CDC123: variants seen among roughly 807,000 people sequenced by gnomAD.
The protein encoded by CDC123 is translation initiation factor eIF2 assembly protein.
In CDC123, 37 loss-of-function variants were observed where a neutral mutation model predicts 54.4. That is an observed-to-expected ratio of 0.68 (90% CI 0.52 to 0.89). The LOEUF (loss-of-function observed/expected upper bound fraction) is 0.89, where lower values mean the gene tolerates loss of function less well. CDC123 is among the 40% of genes least tolerant of loss of function. CDC123 has a pLI of 0.00. For missense variants in CDC123, 361 were observed against 412.1 expected (o/e 0.88, Z 1.07); for synonymous variants, 144 against 136.8 (o/e 1.05, Z -0.37).
At chr10:12,225,942 G>A (rs973076894) in intron 6 of CDC123, among the ~76,000 whole-genome samples, 1 of 151,776 alleles carries the variant, frequency 6.6e-6, no homozygotes, top group Non-Finnish European at 1.5e-5. Flanking sequence ...GGGTACTTGA[G>A]ATTAGGGAGT....
chr10:12,214,146 T>C (rs151201408), intron 4 of CDC123, among the ~76,000 whole-genome samples: 1 of 152,364 alleles, frequency 6.6e-6, no homozygotes, highest in African/African-American at 2.4e-5. Flanking sequence ...TGATCACATC[T>C]TTTAAAAGGC....
chr10:12,246,499 G>A, intron 11 of CDC123: 1 of 434,380 alleles, frequency 2.3e-6, no homozygotes, highest in Non-Finnish European at 4.1e-6. Flanking sequence ...AGTTTTTTTA[G>A]TTCTTTTTCT....
At chr10:12,209,044 T>C (rs1835560208) in intron 2 of CDC123, among the ~76,000 whole-genome samples, 1 of 152,202 alleles carries the variant, frequency 6.6e-6, no homozygotes, top group African/African-American at 2.4e-5. Flanking sequence ...GCTTCTGGTG[T>C]CTTCCTTTAT....
At chr10:12,196,351 G>C in intron 1 of CDC123, 32 bp downstream of exon 1, 1 of 1,613,630 alleles carries the variant, frequency 6.2e-7, no homozygotes, top group South Asian at 1.1e-5. Flanking sequence ...CCGGTCGACC[G>C]GCAAAAGGGA....
intron 6 of CDC123, among the ~76,000 whole-genome samples, chr10:12,224,907 C>T (rs1015061093): frequency 4.6e-5 from 7 of 152,188 alleles, no homozygotes; most frequent in Admixed American, 1.3e-4. Context: ...GCTGAAGCTG[C>T]GGCCCTGAAG....
intron 6 of CDC123, among the ~76,000 whole-genome samples, chr10:12,227,019 C>T (rs1383827563): frequency 1.3e-5 from 2 of 152,210 alleles, no homozygotes; most frequent in Non-Finnish European, 2.9e-5. Context: ...TTTGGGAGGC[C>T]GAGGCTAGCA....
intron 1 of CDC123, among the ~76,000 whole-genome samples, chr10:12,197,944 C>T (rs139392417): frequency 9.9e-5 from 15 of 152,074 alleles, no homozygotes; most frequent in Non-Finnish European, 7.4e-5. Flanking sequence ...CTGTTAACTT[C>T]GGGAAAGCAG....
rs376578679 is a variant in CDC123 at position 12,246,104 on chromosome 10, G to A, written c.718-45G>A. On this transcript the variant is annotated intron_variant, in intron 10 of 12. Transcript: ENST00000281141. ...AAGTGTTTCTTTCTCAGAAGACAGAGTACAGAAGATGTTTGTTTTTGTTTT... is the reference window on the plus strand; with the variant it reads ...AAGTGTTTCTTTCTCAGAAGACAGAATACAGAAGATGTTTGTTTTTGTTTT... 1.9e-6 allele frequency: 3 copies of A among 1,598,748 alleles called. No individual in the cohort carries two copies. In the African/African-American group the frequency reaches 4.0e-5, roughly 22 times the overall value.
intron 5 of CDC123, 28 bp from the exon 6 acceptor site, chr10:12,217,333 A>G: frequency 3.1e-6 from 5 of 1,601,752 alleles, no homozygotes; most frequent in Non-Finnish European, 4.3e-6. Context: ...TGGAATATGG[A>G]CTAAATAGCA....
chr10:12,211,272 C>A (rs1377571408), intron 4 of CDC123, among the ~76,000 whole-genome samples: 4 of 152,052 alleles, frequency 2.6e-5, no homozygotes, highest in South Asian at 2.1e-4. Flanking sequence ...TAGTGAAACT[C>A]CTTACAAGTA....
intron 6 of CDC123, among the ~76,000 whole-genome samples, chr10:12,227,776 G>A (rs1344017342): frequency 1.3e-5 from 2 of 151,974 alleles, no homozygotes; most frequent in Non-Finnish European, 2.9e-5. Flanking sequence ...GATTACAGGC[G>A]TGAGTCACCG....
intron 10 of CDC123, among the ~76,000 whole-genome samples, chr10:12,239,080 G>C (rs569654126): frequency 6.6e-6 from 1 of 151,980 alleles, no homozygotes; most frequent in Non-Finnish European, 1.5e-5. Context: ...ACTTGAGCCC[G>C]GGAATGCAAG....
intron 9 of CDC123, among the ~76,000 whole-genome samples, chr10:12,237,957 C>T (rs1397937126): frequency 6.6e-6 from 1 of 152,170 alleles, no homozygotes; most frequent in Non-Finnish European, 1.5e-5. Context: ...AGTTTTCATA[C>T]ATCTGAAAAT....
chr10:12,202,702 G>A (rs1431851343), intron 2 of CDC123, among the ~76,000 whole-genome samples: 3 of 152,184 alleles, frequency 2.0e-5, no homozygotes, highest in African/African-American at 4.8e-5. Flanking sequence ...CATTTACTTC[G>A]GTTTACCGGT....
chr10:12,247,664 G>C (rs1170456501), intron 11 of CDC123: 1 of 152,192 alleles, frequency 6.6e-6, no homozygotes, highest in Non-Finnish European at 1.5e-5. Flanking sequence ...GTTCAACCCG[G>C]TTTCTTCACC....
At chr10:12,250,245 C>T (rs1836222109) in intron 12 of CDC123, 66 bp from the exon 13 acceptor site, 1 of 971,780 alleles carries the variant, frequency 1.0e-6, no homozygotes, top group Non-Finnish European at 1.5e-6. Flanking sequence ...TAGAAAATTA[C>T]ACCTGCTGAG....
At chr10:12,248,786 C>G (rs1588686691) in intron 11 of CDC123, among the ~76,000 whole-genome samples, 1 of 142,062 alleles carries the variant, frequency 7.0e-6, no homozygotes, top group East Asian at 2.1e-4. Context: ...GCCTGGGCAA[C>G]AAGAGTAAAA....
chr10:12,227,132 T>C (rs1030235824), intron 6 of CDC123, among the ~76,000 whole-genome samples: 16 of 152,078 alleles, frequency 1.1e-4, no homozygotes, highest in African/African-American at 3.6e-4. Flanking sequence ...GGCGTGCGCC[T>C]GCAATCCCAG....
At chr10:12,209,084 C>G (rs1380525201) in intron 2 of CDC123, among the ~76,000 whole-genome samples, 2 of 152,160 alleles carry the variant, frequency 1.3e-5, no homozygotes, top group African/African-American at 2.4e-5. Flanking sequence ...CTTGAGAGAA[C>G]TTTCTCATAT....
Sources: gnomAD v4.1 joint callset for allele counts (sites outside exome capture counted in the v4.1 genomes callset) on GRCh38, gnomAD v4.1.1 for gene constraint, MANE v1.5 for transcripts, NCBI Gene and HGNC (gene_info 2026-07-23, HGNC 2026-07-21) for gene names.